Variants in TGFBR2 observed in about 807,000 individuals in gnomAD.
TGFBR2 encodes TGF-beta receptor type-2.
TGFBR2 carries 18 observed loss-of-function variants against 49.0 expected under a neutral mutation model. That is an observed-to-expected ratio of 0.37 (90% confidence interval 0.25 to 0.54). The LOEUF is 0.54. Among genes scored for constraint, TGFBR2 ranks in the 20% least tolerant of loss-of-function variants. The pLI is 0.85. For missense variants in TGFBR2, 525 were observed against 722.6 expected (o/e 0.73, Z 3.13); for synonymous variants, 282 against 275.9 (o/e 1.02, Z -0.22).
In TGFBR2 at chr3:30,644,734, T is replaced by C. The variant is rs756463714; in HGVS notation, c.95-13T>C. 2 of 1,613,436 alleles carry C rather than the reference T, an allele frequency of 1.2e-6. No individual in the cohort carries two copies. The highest frequency in any genetic ancestry group is 1.7e-6 in the Non-Finnish European group (2 of 1,179,598). On this transcript the variant is annotated splice_polypyrimidine_tract_variant and intron_variant, in intron 1 of 6. Coordinates refer to ENST00000295754, the MANE Select transcript of TGFBR2 (RefSeq NM_003242.6). ...GTTGGATAATCATTTAATATATCTT[T>C]CTCTCTCCTCAGTTAATAACGACAT...
At chr3:30,640,543 AT>A (rs1559455050) in intron 1 of TGFBR2, among the ~76,000 whole-genome samples, 1 of 152,200 alleles carries the variant, frequency 6.6e-6, no homozygotes, top group Non-Finnish European at 1.5e-5. Context: ...TAGATTACTT[AT>A]ACATAATACA....
chr3:30,674,276 G>A, intron 5 of TGFBR2, 30 bp downstream of exon 5: 3 of 1,613,536 alleles, frequency 1.9e-6, no homozygotes, highest in Non-Finnish European at 2.5e-6. Context: ...ATTGTGTAGT[G>A]GTAAACTTGT....
chr3:30,675,585 C>T (rs1415065586), intron 5 of TGFBR2, among the ~76,000 whole-genome samples: 2 of 152,156 alleles, frequency 1.3e-5, no homozygotes, highest in South Asian at 2.1e-4. Context: ...CAGGGTTACA[C>T]CGTGTTGATC....
chr3:30,694,042 G>A lies in TGFBR2; in HGVS notation c.*2443G>A, dbSNP rs1699756051. The stretch of plus-strand genomic sequence containing the variant: ...TCTCAAGCACTTATTTTTATTCTAT[G>A]CATTGTTTGTCTTTTACATAAATAA... On this transcript the variant is annotated 3_prime_UTR_variant, in exon 7 of 7. Coordinates refer to ENST00000295754, the MANE Select transcript of TGFBR2 (RefSeq NM_003242.6). The A allele has an allele frequency of 8.7e-6, 2 of 230,212 alleles. No individual in the cohort carries two copies. The highest frequency in any genetic ancestry group is 1.2e-4 in the East Asian group (2 of 16,228). 14.3% of individuals were successfully genotyped at this position (230,212 alleles called of 1,614,324 possible). A position where few individuals can be genotyped will look rare whatever the true frequency, so the allele number is the denominator to read the frequency against.
chr3:30,648,955 A>G (rs1698827840), intron 2 of TGFBR2, among the ~76,000 whole-genome samples: 2 of 152,152 alleles, frequency 1.3e-5, no homozygotes, highest in African/African-American at 2.4e-5. Flanking sequence ...CGCATCTTTT[A>G]TAGGTGCAAG....
chr3:30,657,493 G>C (rs1699028341), intron 3 of TGFBR2, among the ~76,000 whole-genome samples: 1 of 152,308 alleles, frequency 6.6e-6, no homozygotes, highest in South Asian at 2.1e-4. Context: ...CCGTGTGTAA[G>C]CTCTTGGTTC....
At chr3:30,664,170 G>A (rs1699201748) in intron 3 of TGFBR2, among the ~76,000 whole-genome samples, 1 of 148,062 alleles carries the variant, frequency 6.8e-6, no homozygotes, top group Non-Finnish European at 1.5e-5. Context: ...TTTTTATACA[G>A]ACAGGGTCTC....
chr3:30,639,413 A>G (rs956012928), intron 1 of TGFBR2, among the ~76,000 whole-genome samples: 6 of 152,224 alleles, frequency 3.9e-5, no homozygotes, highest in Non-Finnish European at 2.9e-5. Flanking sequence ...CTTAAGAGCA[A>G]AAGCTGAGGT....
At position 30,678,546 on chromosome 3, in the gene TGFBR2, TAAAAA is replaced by T. The variant is rs1553630848; in HGVS notation, c.1396+4318_1396+4322del. ...CTGGGCGACAGAGCAAGACTGCGTCTAAAAAAAAAAAAAAAAAAAAAAGAGGTATG... is the reference window on the plus strand; with the variant it reads ...CTGGGCGACAGAGCAAGACTGCGTCTAAAAAAAAAAAAAAAAAGAGGTATG... On this transcript the variant is annotated intron_variant, in intron 5 of 6. Coordinates refer to ENST00000295754, the MANE Select transcript of TGFBR2 (RefSeq NM_003242.6). Among the ~76,000 whole-genome samples the T allele has an allele frequency of 4.8e-4, 48 of 100,848 alleles. 2 individuals are homozygous for T. The highest frequency in any genetic ancestry group is 2.0e-3 in the African/African-American group (46 of 22,956). 66.2% of individuals were successfully genotyped at this position (100,848 alleles called of 152,430 possible). A position where few individuals can be genotyped will look rare whatever the true frequency, so the allele number is the denominator to read the frequency against.
At chr3:30,673,441 A>G (rs1699377031) in intron 4 of TGFBR2, among the ~76,000 whole-genome samples, 1 of 152,198 alleles carries the variant, frequency 6.6e-6, no homozygotes, top group South Asian at 2.1e-4. Flanking sequence ...TTTCATATGG[A>G]TCCGACGTTT....
intron 1 of TGFBR2, among the ~76,000 whole-genome samples, chr3:30,625,753 C>T (rs1265628649): frequency 6.6e-6 from 1 of 152,046 alleles, no homozygotes; most frequent in African/African-American, 2.4e-5. Context: ...TTGGGTTGGG[C>T]TTGATTGTAC....
upstream of TGFBR2, chr3:30,606,496 C>A: frequency 4.0e-6 from 1 of 248,404 alleles, no homozygotes; most frequent in Non-Finnish European, 7.8e-6. Context: ...AGGGGCTGGA[C>A]GTCGAGGAGA....
At chr3:30,666,125 A>T (rs1476715906) in intron 3 of TGFBR2, among the ~76,000 whole-genome samples, 1 of 152,194 alleles carries the variant, frequency 6.6e-6, no homozygotes, top group African/African-American at 2.4e-5. Flanking sequence ...TGCCCATTCA[A>T]ATTCACAGAC....
At chr3:30,644,989 C>T (rs901983619) in intron 2 of TGFBR2, 74 bp downstream of exon 2, 1 of 1,340,158 alleles carries the variant, frequency 7.5e-7, no homozygotes, top group African/African-American at 1.4e-5. Flanking sequence ...TACACACAGT[C>T]AGTGTATCTC....
intron 1 of TGFBR2, among the ~76,000 whole-genome samples, chr3:30,613,047 T>G (rs1357318310): frequency 2.0e-5 from 3 of 152,074 alleles, no homozygotes; most frequent in Admixed American, 2.0e-4. Context: ...GGTTTGAAGC[T>G]ATCATTATTA....
At chr3:30,621,339 G>A (rs1252185097) in intron 1 of TGFBR2, among the ~76,000 whole-genome samples, 1 of 125,806 alleles carries the variant, frequency 7.9e-6, no homozygotes, top group South Asian at 2.5e-4. Flanking sequence ...GGAGTACAAT[G>A]GCACGACCTC....
intron 5 of TGFBR2, among the ~76,000 whole-genome samples, chr3:30,682,822 G>T (rs763206908): frequency 2.6e-5 from 4 of 152,156 alleles, no homozygotes; most frequent in Non-Finnish European, 4.4e-5. Flanking sequence ...GATCCCATAA[G>T]GTTCCCCTTC....
At chr3:30,663,155 T>C (rs1352053725) in intron 3 of TGFBR2, among the ~76,000 whole-genome samples, 1 of 152,110 alleles carries the variant, frequency 6.6e-6, no homozygotes, top group African/African-American at 2.4e-5. Flanking sequence ...ATGAAGCATA[T>C]ATGTGAGTGC....
chr3:30,665,842 T>C (rs1222782511), intron 3 of TGFBR2, among the ~76,000 whole-genome samples: 1 of 152,226 alleles, frequency 6.6e-6, no homozygotes, highest in Non-Finnish European at 1.5e-5. Context: ...TTTAAATGCA[T>C]AAAATAGAAC....
Sources: gnomAD v4.1 joint callset for allele counts (sites outside exome capture counted in the v4.1 genomes callset) on GRCh38, gnomAD v4.1.1 for gene constraint, MANE v1.5 for transcripts, NCBI Gene and HGNC (gene_info 2026-07-23, HGNC 2026-07-21) for gene names.